Variants in HDAC8 observed in about 807,000 individuals in gnomAD.
HDAC8 encodes the protein histone deacetylase 8.
HDAC8 carries 1 observed loss-of-function variant against 32.2 expected under a neutral mutation model. The observed-to-expected ratio is 0.03, with a 90% confidence interval of 0.01 to 0.15. HDAC8 has a LOEUF of 0.15. HDAC8 is among the 10% of genes least tolerant of loss of function. The pLI, the probability that HDAC8 is intolerant of heterozygous loss-of-function variation, is 1.00. For missense variants in HDAC8, 117 were observed against 300.0 expected, an observed-to-expected ratio of 0.39 and a Z score of 4.51; for synonymous variants, 108 against 113.9, an observed-to-expected ratio of 0.95 and a Z score of 0.33.
chrX:72,572,044 A>G lies in HDAC8; in HGVS notation c.164+13T>C, dbSNP rs2052104086. On this transcript the variant is annotated intron_variant, in intron 2 of 10. Coordinates refer to ENST00000373573, the MANE Select transcript of HDAC8 (RefSeq NM_018486.3). ...ACCTAGCTTCAGGGCTATGTTCAAG[A>G]AAGACAACTTACCTCATCTGCTTAT... 8.5e-7 allele frequency: 1 copy of G among 1,182,890 alleles called. No individual in the cohort carries two copies. Among genetic ancestry groups the G allele is most frequent in the Non-Finnish European group, 1.1e-6 (1 of 881,887 alleles).
At chrX:72,422,221 T>C (rs1260207650) in intron 9 of HDAC8, among the ~76,000 whole-genome samples, 1 of 111,303 alleles carries the variant, frequency 9.0e-6, no homozygotes, top group Non-Finnish European at 1.9e-5. Context: ...ATTTGGGAAG[T>C]TTTTGGTCAT....
chrX:72,489,296 T>A, intron 6 of HDAC8: 1 of 442,627 alleles, frequency 2.3e-6, no homozygotes. Flanking sequence ...TAGGTTGACA[T>A]AACATCAATT....
chrX:72,568,515 A>C (rs1190686511), intron 3 of HDAC8, among the ~76,000 whole-genome samples: 1 of 112,617 alleles, frequency 8.9e-6, no homozygotes, highest in African/African-American at 3.2e-5. Context: ...CAGCCAGACC[A>C]GATCTGAGCA....
At chrX:72,390,461 T>G (rs1394807513) in intron 9 of HDAC8, among the ~76,000 whole-genome samples, 3 of 112,482 alleles carry the variant, frequency 2.7e-5, no homozygotes, top group African/African-American at 9.7e-5. Context: ...AAATTGTTGT[T>G]AATTATAGTC....
intron 4 of HDAC8, among the ~76,000 whole-genome samples, chrX:72,516,547 G>A (rs2049810893): frequency 9.0e-6 from 1 of 110,978 alleles, no homozygotes; most frequent in South Asian, 3.8e-4. Flanking sequence ...GAGTACTTAC[G>A]AGTTTAGCAT....
At chrX:72,379,437 C>A (rs1366029483) in intron 9 of HDAC8, among the ~76,000 whole-genome samples, 3 of 106,007 alleles carry the variant, frequency 2.8e-5, no homozygotes, top group Non-Finnish European at 3.9e-5. Context: ...AAAACAAATT[C>A]TCCCTCTCCC....
chrX:72,456,715 C>T (rs1410736932), intron 9 of HDAC8, among the ~76,000 whole-genome samples: 5 of 111,217 alleles, frequency 4.5e-5, no homozygotes, highest in African/African-American at 1.6e-4. Flanking sequence ...AGGAAAATCG[C>T]GTGAACCCGA....
chrX:72,552,560 G>T (rs2051114121), intron 4 of HDAC8, among the ~76,000 whole-genome samples: 2 of 109,405 alleles, frequency 1.8e-5, no homozygotes. Context: ...GTTGCAGTGA[G>T]CTGAGATTGC....
intron 10 of HDAC8, among the ~76,000 whole-genome samples, chrX:72,331,569 A>G (rs781991229): frequency 2.0e-4 from 22 of 111,680 alleles, no homozygotes; most frequent in Non-Finnish European, 3.8e-4. Context: ...TATCAATAGA[A>G]GTTCATTCCT....
At chrX:72,494,979 T>C (rs1164259868) in intron 5 of HDAC8, among the ~76,000 whole-genome samples, 177 bp downstream of exon 5, 1 of 111,547 alleles carries the variant, frequency 9.0e-6, no homozygotes, top group African/African-American at 3.3e-5. Flanking sequence ...GGAGCCTGGC[T>C]TGGGCAGCAA....
At chrX:72,381,375 T>A (rs1252790658) in intron 9 of HDAC8, among the ~76,000 whole-genome samples, 1 of 111,580 alleles carries the variant, frequency 9.0e-6, no homozygotes, top group African/African-American at 3.3e-5. Context: ...ACTGTGGGGT[T>A]TGCTGAGTTG....
intron 10 of HDAC8, among the ~76,000 whole-genome samples, chrX:72,332,988 T>C (rs1390463497): frequency 8.9e-6 from 1 of 112,258 alleles, no homozygotes; most frequent in African/African-American, 3.2e-5. Context: ...TTGTGGGATA[T>C]ATGATTTGCA....
chrX:72,388,110 T>C lies in HDAC8; in HGVS notation c.1006-36272A>G, dbSNP rs1329020761. On this transcript the variant is annotated intron_variant, in intron 9 of 10. Coordinates refer to ENST00000373573, the MANE Select transcript of HDAC8 (RefSeq NM_018486.3). ...GTGGAATCAGAGTTTAGGGCAGGAG[T>C]AGGGATAGCATAGTGGGAAAAATAG... Among the ~76,000 whole-genome samples the C allele has an allele frequency of 2.8e-5, 3 of 108,906 alleles. No homozygotes were observed. The Admixed American group carries it at 3.0e-4, about 11-fold the overall frequency. The allele number at this position is 108,906 out of a possible 115,157, so 94.6% of individuals were successfully genotyped here.
chrX:72,401,235 T>C (rs1290898441), intron 9 of HDAC8, among the ~76,000 whole-genome samples: 1 of 111,840 alleles, frequency 8.9e-6, no homozygotes, highest in Non-Finnish European at 1.9e-5. Context: ...TTGTTCCACT[T>C]GTTATTTTTT....
At chrX:72,559,045 TCCCCCTCC>T (rs1161088659) in intron 4 of HDAC8, among the ~76,000 whole-genome samples, 1 of 9,588 alleles carries the variant, frequency 1.0e-4, no homozygotes, top group Non-Finnish European at 1.8e-4. Context: ...CCCCTCCCCC[TCCCCCTCC>T]CCCCCTCCCC....
rs539091890 is a variant in HDAC8 at position 72,368,677 on chromosome X, C to T, written c.1006-16839G>A. On this transcript the variant is annotated intron_variant, in intron 9 of 10. Transcript: ENST00000373573. Reference sequence around the variant, plus strand: ...GCCATCCATAAGGCCTTTTACAGCCCTCTGGCCTACTCTGGCATCTTTGTT... The same window carrying T: ...GCCATCCATAAGGCCTTTTACAGCCTTCTGGCCTACTCTGGCATCTTTGTT... Among the ~76,000 whole-genome samples the T allele has an allele frequency of 6.2e-5, 7 of 112,366 alleles. No individual in the cohort carries two copies. In the South Asian group the frequency reaches 1.8e-3, roughly 30 times the overall value.
At chrX:72,336,053 T>C (rs1226807835) in intron 10 of HDAC8, among the ~76,000 whole-genome samples, 2 of 111,897 alleles carry the variant, frequency 1.8e-5, no homozygotes. Context: ...AGGAGTGTGA[T>C]TGCTAGATCA....
chrX:72,513,872 AC>A (rs1312917289), intron 4 of HDAC8, among the ~76,000 whole-genome samples: 7 of 112,068 alleles, frequency 6.2e-5, no homozygotes, highest in Admixed American at 5.7e-4. Flanking sequence ...CCAGTCATAA[AC>A]AAAAAGAGAA....
At chrX:72,458,729 C>T (rs1213489460) in intron 9 of HDAC8, among the ~76,000 whole-genome samples, 1 of 111,891 alleles carries the variant, frequency 8.9e-6, no homozygotes, top group Non-Finnish European at 1.9e-5. Context: ...AAATGAATGG[C>T]ACAGACTGTA....
Sources: gnomAD v4.1 joint callset for allele counts (sites outside exome capture counted in the v4.1 genomes callset) on GRCh38, gnomAD v4.1.1 for gene constraint, MANE v1.5 for transcripts, NCBI Gene and HGNC (gene_info 2026-07-23, HGNC 2026-07-21) for gene names.